The following ACYP2 variants were observed in gnomAD, a reference collection of about 807,000 sequenced individuals.
ACYP2 encodes the protein acylphosphatase 2.
A neutral mutation model predicts 11.2 loss-of-function variants in ACYP2; 12 were observed. The observed-to-expected ratio is 1.08, with a 90% CI of 0.69 to 1.74. The LOEUF (loss-of-function observed/expected upper bound fraction) is 1.74. ACYP2 is among the 40% of genes most tolerant of loss of function. The pLI, the probability that ACYP2 is intolerant of heterozygous loss-of-function variation, is 0.00. For synonymous variants in ACYP2, 43 were observed against 32.2 expected (o/e 1.33, Z -1.13); for missense variants, 134 against 101.9 (o/e 1.31, Z -1.35).
At chr2:54,252,535 A>G (rs1017249446) in intron 6 of ACYP2, among the ~76,000 whole-genome samples, 3 of 151,950 alleles carry the variant, frequency 2.0e-5, no homozygotes, top group African/African-American at 7.3e-5. Context: ...TGTTATTTTC[A>G]ACCTTTGTTA....
At chr2:54,078,800 G>A (rs2103661368) in intron 4 of ACYP2, among the ~76,000 whole-genome samples, 1 of 152,168 alleles carries the variant, frequency 6.6e-6, no homozygotes, top group East Asian at 1.9e-4. Flanking sequence ...GTTTCACCAT[G>A]TTGGCCAGGC....
intron 2 of ACYP2, among the ~76,000 whole-genome samples, chr2:54,048,054 A>C (rs13426329): frequency 0.19 from 28,592 of 152,240 alleles, 2,697 homozygotes; most frequent in East Asian, 0.27. Flanking sequence ...CTATTATTTA[A>C]GTCATTAGAA....
intron 6 of ACYP2, among the ~76,000 whole-genome samples, chr2:54,139,809 C>T (rs915867343): frequency 6.6e-6 from 1 of 152,112 alleles, no homozygotes; most frequent in Admixed American, 6.5e-5. Context: ...GTCTATTTCC[C>T]TCCCCTTTAT....
chr2:54,255,934 A>C (rs561567364), intron 6 of ACYP2: 1 of 1,614,042 alleles, frequency 6.2e-7, no homozygotes, highest in South Asian at 1.1e-5. Context: ...ATCGACCAAG[A>C]TGTGGAAAGT....
intron 2 of ACYP2, among the ~76,000 whole-genome samples, chr2:54,030,911 C>G (rs1674549666): frequency 6.6e-6 from 1 of 152,106 alleles, no homozygotes; most frequent in African/African-American, 2.4e-5. Flanking sequence ...ACTTCCTTTT[C>G]TTTTTCATTA....
intron 6 of ACYP2, among the ~76,000 whole-genome samples, chr2:54,188,690 CT>C: frequency 6.6e-6 from 1 of 152,278 alleles, no homozygotes; most frequent in South Asian, 2.1e-4. Context: ...AGCCTTGCTA[CT>C]CACAAGTATG....
intron 4 of ACYP2, among the ~76,000 whole-genome samples, chr2:54,099,764 T>C (rs1678792919): frequency 6.6e-6 from 1 of 152,246 alleles, no homozygotes; most frequent in Non-Finnish European, 1.5e-5. Context: ...AACTTGGGAA[T>C]GCAGATATCT....
chr2:54,220,165 T>G lies in ACYP2; in HGVS notation c.404+81417T>G, dbSNP rs1040062812. On this transcript the variant is annotated intron_variant, in intron 6 of 6. Transcript: ENST00000607452. ...TAGTGAAGCTCTAGAAATAAAATTT[T>G]CTGTTAAACTTATTTTTTATATTGC... is the stretch of plus-strand genomic sequence containing the variant. Among the ~76,000 whole-genome samples the G allele has an allele frequency of 3.3e-5, 5 of 152,050 alleles. No individual in the cohort carries two copies. The East Asian group carries it at 9.6e-4, about 29-fold the overall frequency.
At chr2:54,004,657 G>A (rs1457573171) in intron 2 of ACYP2, among the ~76,000 whole-genome samples, 6 of 150,650 alleles carry the variant, frequency 4.0e-5, no homozygotes, top group Admixed American at 1.3e-4. Flanking sequence ...TGATCGGCCC[G>A]CCTTGGCCTC....
chr2:54,251,724 G>A (rs1450861640), intron 6 of ACYP2, among the ~76,000 whole-genome samples: 1 of 152,196 alleles, frequency 6.6e-6, no homozygotes, highest in African/African-American at 2.4e-5. Context: ...GCAAAGGGCA[G>A]GTGTGCTTAT....
intron 1 of ACYP2, among the ~76,000 whole-genome samples, chr2:53,973,212 CGTT>C (rs1374647583): frequency 6.6e-6 from 1 of 152,052 alleles, no homozygotes; most frequent in Non-Finnish European, 1.5e-5. Flanking sequence ...AGAACAGTGT[CGTT>C]GGAGTGTAGA....
intron 6 of ACYP2, among the ~76,000 whole-genome samples, chr2:54,204,626 C>A (rs913743596): frequency 6.6e-6 from 1 of 152,164 alleles, no homozygotes; most frequent in Admixed American, 6.5e-5. Context: ...GAGTTTAAAA[C>A]TTCACCATAA....
intron 4 of ACYP2, chr2:54,123,348 A>C: frequency 2.5e-6 from 1 of 398,530 alleles, no homozygotes; most frequent in Non-Finnish European, 4.4e-6. Context: ...TGATAGGAAA[A>C]AGTCAGGGAG....
At chr2:54,012,657 C>G (rs771230603) in intron 2 of ACYP2, among the ~76,000 whole-genome samples, 12 of 152,200 alleles carry the variant, frequency 7.9e-5, no homozygotes, top group Non-Finnish European at 1.6e-4. Context: ...CTCAGCTCCT[C>G]TGTTACTCGT....
At chr2:54,005,559 G>A (rs953010650) in intron 2 of ACYP2, among the ~76,000 whole-genome samples, 1 of 152,014 alleles carries the variant, frequency 6.6e-6, no homozygotes, top group African/African-American at 2.4e-5. Context: ...GGCTGGTCTC[G>A]ATCTCCTGAC....
intron 2 of ACYP2, among the ~76,000 whole-genome samples, chr2:54,039,310 G>T (rs989016033): frequency 6.7e-6 from 1 of 149,848 alleles, no homozygotes; most frequent in Non-Finnish European, 1.5e-5. Context: ...TTTGGCGGGG[G>T]GGGACAGGGT....
intron 2 of ACYP2, among the ~76,000 whole-genome samples, chr2:54,021,263 G>T (rs1437871054): frequency 1.3e-5 from 2 of 152,200 alleles, no homozygotes; most frequent in Non-Finnish European, 2.9e-5. Context: ...GACTCAGGAT[G>T]GAGCAGGTGA....
Position 54,045,395 on chromosome 2 carries a change from T to C in ACYP2, c.63-5563T>C, listed in dbSNP as rs146855833. 2.9e-3 allele frequency among the ~76,000 whole-genome samples: 435 copies of C among 152,354 alleles called. 1 individual carries two copies. Among genetic ancestry groups the C allele is most frequent in the African/African-American group, 0.01 (420 of 41,588 alleles). ...CTGTCTCAGTGTATTGGCGTGTTAC[T>C]ATGCAGTGGGGATACGAAACTGTTG... is the stretch of plus-strand genomic sequence containing the variant. On this transcript the variant is annotated intron_variant, in intron 2 of 6. Transcript: ENST00000607452.
chr2:54,159,975 G>T (rs1289910294), intron 6 of ACYP2, among the ~76,000 whole-genome samples: 1 of 152,086 alleles, frequency 6.6e-6, no homozygotes, highest in Non-Finnish European at 1.5e-5. Context: ...GCCCCTCACT[G>T]TGTGCTCTGC....
Sources: gnomAD v4.1 joint callset for allele counts (sites outside exome capture counted in the v4.1 genomes callset) on GRCh38, gnomAD v4.1.1 for gene constraint, MANE v1.5 for transcripts, NCBI Gene and HGNC (gene_info 2026-07-23, HGNC 2026-07-21) for gene names.